The following LRTM3 variants were observed in gnomAD, a reference collection of about 807,000 sequenced individuals.
LRTM3 encodes the protein leucine-rich repeat transmembrane protein 3.
At chr13:102,735,753 A>ATGAATCC in the LRTM3 span, 1 of 1,547,516 alleles carries the variant, frequency 6.5e-7, no homozygotes, top group Admixed American at 2.0e-5. Flanking sequence ...CCTGAATCTG[A>ATGAATCC]TGAATCCTGA....
At chr13:102,742,130 C>G in the LRTM3 span, 643 of 1,550,440 alleles carry the variant, frequency 4.1e-4, no homozygotes, top group Non-Finnish European at 5.2e-4. Flanking sequence ...CACACAGTAT[C>G]CAGAGTCATA....
At chr13:102,753,894 A>G in the LRTM3 span, among the ~76,000 whole-genome samples, 1 of 152,198 alleles carries the variant, frequency 6.6e-6, no homozygotes, top group Non-Finnish European at 1.5e-5. Flanking sequence ...AGGAATGGGC[A>G]TGATCTAATC....
At chr13:102,735,619 G>A in the LRTM3 span, 51 of 1,550,890 alleles carry the variant, frequency 3.3e-5, 1 homozygote, top group South Asian at 3.3e-4. Context: ...TACATTTGGG[G>A]AGCATTTTGT....
chr13:102,741,721 T>C, the LRTM3 span: 1 of 1,550,448 alleles, frequency 6.4e-7, no homozygotes, highest in Non-Finnish European at 8.7e-7. Flanking sequence ...GTGGAATATC[T>C]AGTCTCTTCG....
chr13:102,750,347 G>T, the LRTM3 span: 1 of 1,532,210 alleles, frequency 6.5e-7, no homozygotes, highest in Non-Finnish European at 8.8e-7. Context: ...TTCTTCAGAT[G>T]TAAGTGATGA....
At chr13:102,738,009 C>T in the LRTM3 span, 3 of 1,550,344 alleles carry the variant, frequency 1.9e-6, no homozygotes, top group African/African-American at 2.7e-5. Flanking sequence ...TGCTCTTTGT[C>T]TTCTCTATCA....
chr13:102,748,747 C>T, the LRTM3 span: 516 of 1,549,946 alleles, frequency 3.3e-4, 7 homozygotes, highest in African/African-American at 6.4e-3. Flanking sequence ...ATTCTTTACT[C>T]TTCCCATTTG....
the LRTM3 span, chr13:102,729,381 A>T: frequency 2.5e-6 from 3 of 1,190,412 alleles, no homozygotes; most frequent in East Asian, 8.1e-5. Flanking sequence ...ATGTTATATG[A>T]TTGTATTTTT....
At chr13:102,729,411 G>T in the LRTM3 span, 1 of 1,354,760 alleles carries the variant, frequency 7.4e-7, no homozygotes, top group South Asian at 2.2e-5. Context: ...TCACAATAGC[G>T]ACCAGCTGTC....
At chr13:102,744,426 T>C in the LRTM3 span, 3 of 1,550,154 alleles carry the variant, frequency 1.9e-6, no homozygotes, top group Non-Finnish European at 2.6e-6. Context: ...TCACGTGGTA[T>C]TGAACCAATC....
chr13:102,758,120 G>T, the LRTM3 span, among the ~76,000 whole-genome samples: 1 of 152,214 alleles, frequency 6.6e-6, no homozygotes, highest in Non-Finnish European at 1.5e-5. Context: ...AAGAACTGGT[G>T]TGTTGGAGAG....
At chr13:102,733,624 T>A in the LRTM3 span, 1 of 1,551,394 alleles carries the variant, frequency 6.4e-7, no homozygotes, top group African/African-American at 1.4e-5. Flanking sequence ...TTAAAGTTTC[T>A]GTTTTGTATT....
chr13:102,755,931 GTATATATATACATATATA>G, the LRTM3 span, among the ~76,000 whole-genome samples: 19 of 115,512 alleles, frequency 1.6e-4, no homozygotes, highest in Admixed American at 9.5e-4. Flanking sequence ...GTGTGTGTGT[GTATATATATACATATATA>G]TATATATATA....
the LRTM3 span, chr13:102,745,938 C>A: frequency 3.2e-6 from 5 of 1,551,174 alleles, no homozygotes; most frequent in Middle Eastern, 1.7e-4. Flanking sequence ...AGTTCCTCAT[C>A]TGATTTGACA....
chr13:102,733,776 A>G, the LRTM3 span: 1 of 1,551,252 alleles, frequency 6.4e-7, no homozygotes, highest in African/African-American at 1.4e-5. Context: ...CTGACTCGTG[A>G]AGGTTGGTTC....
At chr13:102,745,649 G>A in the LRTM3 span, 1 of 1,550,998 alleles carries the variant, frequency 6.4e-7, no homozygotes, top group Non-Finnish European at 8.7e-7. Flanking sequence ...TGTAGATAAA[G>A]CAGGCATGCA....
At chr13:102,749,584 A>G in the LRTM3 span, 1 of 1,551,270 alleles carries the variant, frequency 6.4e-7, no homozygotes, top group East Asian at 2.4e-5. Context: ...ATGGAACTTC[A>G]ACAAAATGTT....
the LRTM3 span, chr13:102,745,728 A>G: frequency 1.3e-6 from 2 of 1,551,048 alleles, no homozygotes; most frequent in African/African-American, 2.7e-5. Context: ...CTAGAATCAG[A>G]TGAGATACCA....
chr13:102,739,361 A>G, the LRTM3 span: 2 of 1,549,792 alleles, frequency 1.3e-6, no homozygotes, highest in Non-Finnish European at 1.7e-6. Flanking sequence ...TACATTACTT[A>G]AACTGTCTCT....
Sources: allele counts gnomAD v4.1 joint callset (sites outside exome capture counted in the v4.1 genomes callset), GRCh38; gene constraint gnomAD v4.1.1; transcripts MANE v1.5; gene names NCBI Gene and HGNC (gene_info 2026-07-23, HGNC 2026-07-21).